Variants in C1orf167 observed in about 807,000 individuals in gnomAD.
C1orf167 encodes the protein chromosome 1 open reading frame 167.
C1orf167 carries 153 observed loss-of-function variants against 176.5 expected under a neutral mutation model. That is an observed-to-expected ratio of 0.87 (90% CI 0.76 to 0.99). The LOEUF (loss-of-function observed/expected upper bound fraction) is 0.99, where lower values mean the gene tolerates loss of function less well. Ranked by LOEUF, C1orf167 falls within the 50% of genes least tolerant of loss-of-function variation. C1orf167 has a pLI of 0.00. For synonymous variants in C1orf167, 594 were observed against 752.7 expected, an observed-to-expected ratio of 0.79 and a Z score of 3.45; for missense variants, 1,490 against 1,817.7, an observed-to-expected ratio of 0.82 and a Z score of 3.28.
intron 16 of C1orf167, chr1:11,785,791 G>C (rs1643838773): frequency 2.0e-5 from 3 of 152,772 alleles, no homozygotes; most frequent in East Asian, 1.9e-4. Flanking sequence ...CTGAAGCAGA[G>C]GAGTGATCTC....
At chr1:11,769,442 C>A (rs1228969128) in intron 6 of C1orf167, among the ~76,000 whole-genome samples, 1 of 151,998 alleles carries the variant, frequency 6.6e-6, no homozygotes, top group Admixed American at 6.6e-5. Context: ...TGGGGGCATG[C>A]TTGTAGTCCC....
Position 11,766,648 on chromosome 1 carries a change from GTCCTTGCTTCC to G in C1orf167, c.865_875del (p.Leu289GlyfsTer22). ...CGCCCACCCCCAGCCCAGCCAGCCT[GTCCTTGCTTCC>G]TCGGATGGGAGGAGGAGACGCCTTC... is the stretch of plus-strand genomic sequence containing the variant. On this transcript the variant is annotated frameshift_variant, in exon 3 of 21. Coordinates refer to ENST00000688073, the MANE Select transcript of C1orf167 (RefSeq NM_001010881.2). LOFTEE classifies it high-confidence loss of function. The surrounding 1 kb of genome is among the most constrained non-coding windows in gnomAD (Gnocchi z 4.5). 7.8e-7 allele frequency: 1 copy of G among 1,289,420 alleles called. No individual in the cohort carries two copies. The highest frequency in any genetic ancestry group is 1.5e-5 in the African/African-American group (1 of 65,988). The allele number at this position is 1,289,420 out of a possible 1,614,324, so 79.9% of individuals were successfully genotyped here. A position where few individuals can be genotyped will look rare whatever the true frequency, so the allele number is the denominator to read the frequency against.
At chr1:11,764,121 G>A (rs569502966) in intron 1 of C1orf167, among the ~76,000 whole-genome samples, 224 of 152,300 alleles carry the variant, frequency 1.5e-3, no homozygotes, top group Middle Eastern at 6.8e-3. Context: ...GCAGGATGGG[G>A]CAGCATTTGA....
Position 11,776,334 on chromosome 1 carries a change from G to C in C1orf167, c.2165-130G>C. The C allele has an allele frequency of 3.8e-6, 3 of 786,920 alleles. No individual in the cohort carries two copies. In the South Asian group the frequency reaches 5.5e-5, roughly 14 times the overall value. The allele number at this position is 786,920 out of a possible 1,614,324, so 48.7% of individuals were successfully genotyped here. On this transcript the variant is annotated intron_variant, in intron 9 of 20. Coordinates refer to ENST00000688073, the MANE Select transcript of C1orf167 (RefSeq NM_001010881.2). ...TCTTTGAGGTGACCTGGAGGGGAGG[G>C]CTTGGAAGCGGTGGGACGGGACAAG...
Position 11,772,715 on chromosome 1 carries a change from G to C in C1orf167, c.1988+456G>C, listed in dbSNP as rs982256179. ...TTGGATATAAGCAAAGCTTAGTCCC[G>C]GCCTCCCACCTCTGCCCATCATCAC... On this transcript the variant is annotated intron_variant, in intron 8 of 20. Transcript: ENST00000688073. Among the ~76,000 whole-genome samples, 2 of 151,894 alleles carry C rather than the reference G, an allele frequency of 1.3e-5. 1 individual carries two copies. Among genetic ancestry groups the C allele is most frequent in the Admixed American group, 1.3e-4 (2 of 15,246 alleles).
At position 11,787,953 on chromosome 1, in the gene C1orf167, C is replaced by A; in HGVS notation, c.3754C>A (p.Pro1252Thr). 1 of 1,304,108 alleles carries A rather than the reference C, an allele frequency of 7.7e-7. No individual in the cohort carries two copies. The highest frequency in any genetic ancestry group is 1.2e-5 in the South Asian group (1 of 80,994). The allele number at this position is 1,304,108 out of a possible 1,614,324, so 80.8% of individuals were successfully genotyped here. A position where few individuals can be genotyped will look rare whatever the true frequency, so the allele number is the denominator to read the frequency against. The change falls in exon 18 of 21, where the codon CCC becomes ACC. Residue 1252 changes from proline to threonine, a missense_variant. Coordinates refer to ENST00000688073, the MANE Select transcript of C1orf167 (RefSeq NM_001010881.2). Reference sequence around the variant, plus strand: ...ACAGAGTAGCTGGGTCCCAGGCCTGCCCCTGTGGACGAGGGACCAGGGACC... The same window carrying A: ...ACAGAGTAGCTGGGTCCCAGGCCTGACCCTGTGGACGAGGGACCAGGGACC... Reference protein sequence around the residue: ...PGQSSWVPGLPLWTRDQGPRA... With the variant: ...PGQSSWVPGLTLWTRDQGPRA...
chr1:11,778,576 G>T, intron 10 of C1orf167, 84 bp from the exon 11 acceptor site: 1 of 1,153,884 alleles, frequency 8.7e-7, no homozygotes, highest in Admixed American at 3.1e-5. Flanking sequence ...TTTCACAGCG[G>T]CCAGGGTAGG....
At chr1:11,767,730 G>A (rs563253087) in intron 4 of C1orf167, among the ~76,000 whole-genome samples, 21 of 152,218 alleles carry the variant, frequency 1.4e-4, no homozygotes, top group African/African-American at 5.1e-4. Flanking sequence ...GGAGGCTGAG[G>A]TGGGAGGATC....
chr1:11,775,620 T>C lies in C1orf167; in HGVS notation c.2164+10T>C. On this transcript the variant is annotated intron_variant, in intron 9 of 20. Transcript: ENST00000688073. ...TGCCGGCAGAAAGCAGGTGAGCTAG[T>C]GTTGGCTTCCGCCCCAGCAAACCGT... 3 of 1,298,606 alleles carry C rather than the reference T, an allele frequency of 2.3e-6. No individual in the cohort carries two copies. The highest frequency in any genetic ancestry group is 3.0e-5 in the African/African-American group (2 of 65,810). 80.4% of individuals were successfully genotyped at this position (1,298,606 alleles called of 1,614,324 possible).
At chr1:11,772,344 A>C (rs1570395276) in intron 8 of C1orf167, 85 bp downstream of exon 8, 1 of 1,138,400 alleles carries the variant, frequency 8.8e-7, no homozygotes. Flanking sequence ...TGCTCACTGC[A>C]CCCTCCACCT....
chr1:11,767,254 G>A lies in C1orf167; in HGVS notation c.1333G>A (p.Glu445Lys). The stretch of plus-strand genomic sequence containing the variant: ...ACAAAACATCACAGCCCCAGAGTCT[G>A]AGGCAATCTGGTGAGGCCATGGCTG... The part of the protein sequence containing the change: ...KAQNITAPES[E>K]AICWQLLSRC... The change falls in exon 4 of 21, where the codon GAG becomes AAG. Residue 445 changes from glutamate (E) to lysine (K), a missense_variant. Coordinates refer to ENST00000688073, the MANE Select transcript of C1orf167 (RefSeq NM_001010881.2). 2 of 1,289,740 alleles carry A rather than the reference G, an allele frequency of 1.6e-6. No homozygotes were observed. Among genetic ancestry groups the A allele is most frequent in the Non-Finnish European group, 1.0e-6 (1 of 988,810 alleles). The allele number at this position is 1,289,740 out of a possible 1,614,324, so 79.9% of individuals were successfully genotyped here. A position where few individuals can be genotyped will look rare whatever the true frequency, so the allele number is the denominator to read the frequency against.
rs1445735349 is a variant in C1orf167, at chr1:11,788,016, G to C, written c.3817G>C (p.Ala1273Pro). Residue 1273 changes from alanine (A) to proline (P), a missense_variant, in exon 18 of 21, where the codon GCC (alanine) becomes CCC (proline). By Grantham distance (27) the Ala-to-Pro change is conservative. Coordinates refer to ENST00000688073, the MANE Select transcript of C1orf167 (RefSeq NM_001010881.2). ...HSSPEPRACK[A>P]QSKAHKRRLR... ...CAGCCCTGAGCCCAGAGCCTGCAAA[G>C]CCCAAAGCAAGGCCCATAAACGGAG... The C allele has an allele frequency of 7.7e-7, 1 of 1,302,454 alleles. No individual in the cohort carries two copies. Among genetic ancestry groups the C allele is most frequent in the African/African-American group, 1.5e-5 (1 of 65,930 alleles). 80.7% of individuals were successfully genotyped at this position (1,302,454 alleles called of 1,614,324 possible).
Position 11,787,388 on chromosome 1 carries a change from A to G in C1orf167, c.3568A>G (p.Thr1190Ala). The G allele has an allele frequency of 1.3e-5, 17 of 1,291,442 alleles. No individual in the cohort carries two copies. Among genetic ancestry groups the G allele is most frequent in the Non-Finnish European group, 1.7e-5 (17 of 982,396 alleles). 80.0% of individuals were successfully genotyped at this position (1,291,442 alleles called of 1,614,324 possible). Residue 1190 changes from threonine (T) to alanine (A), a missense_variant and splice_region_variant, in exon 17 of 21, where the codon ACC (threonine) becomes GCC (alanine). Transcript: ENST00000688073. The part of the protein sequence containing the change: ...VRLGLPGAGK[T>A]RSCWTQATEL... ...TGCTCCTCTCTGGCTATTCCTTCAG[A>G]CCCGCAGCTGCTGGACACAGGCCAC...
intron 1 of C1orf167, among the ~76,000 whole-genome samples, chr1:11,763,052 A>G (rs1253589914): frequency 6.6e-6 from 1 of 152,160 alleles, no homozygotes; most frequent in Non-Finnish European, 1.5e-5. Flanking sequence ...CGTGTGTGCC[A>G]TTTGGAGGAG....
At chr1:11,764,267 G>A (rs1046955975) in intron 1 of C1orf167, 64 bp from the exon 2 acceptor site, 24 of 594,872 alleles carry the variant, frequency 4.0e-5, no homozygotes, top group Non-Finnish European at 6.4e-5. Context: ...CTAAAGGGAG[G>A]AGGTAGGGAT....
At chr1:11,776,258 A>AAAAAAAC (rs1643307715) in intron 9 of C1orf167, among the ~76,000 whole-genome samples, 1 of 147,698 alleles carries the variant, frequency 6.8e-6, no homozygotes, top group Non-Finnish European at 1.5e-5. Flanking sequence ...ATTCTGTCTC[A>AAAAAAAC]AAGAAACAAA....
Position 11,767,336 on chromosome 1 carries a change from C to G in C1orf167, c.1343+72C>G. 25 of 1,204,520 alleles carry G rather than the reference C, an allele frequency of 2.1e-5. No homozygotes were observed. In the South Asian group the frequency reaches 3.0e-4, roughly 15 times the overall value. 74.6% of individuals were successfully genotyped at this position (1,204,520 alleles called of 1,614,324 possible). On this transcript the variant is annotated intron_variant, in intron 4 of 20. Transcript: ENST00000688073. ...GTGCTCAGGACTCCGCTCCCATTTG[C>G]CTGTCCAAATGGAGATGAGGGCCTG...
chr1:11,782,782 C>T (rs1416860382), intron 14 of C1orf167, among the ~76,000 whole-genome samples: 1 of 151,934 alleles, frequency 6.6e-6, no homozygotes, highest in Non-Finnish European at 1.5e-5. Flanking sequence ...ATTAGACGGG[C>T]ATGGTGGCAG....
chr1:11,782,107 G>A (rs1423405593), intron 13 of C1orf167, 82 bp from the exon 14 acceptor site: 1 of 1,153,944 alleles, frequency 8.7e-7, no homozygotes, highest in Non-Finnish European at 1.1e-6. Context: ...CTGGTAGGGG[G>A]CGAAGGGCTG....
Sources: allele counts gnomAD v4.1 joint callset (sites outside exome capture counted in the v4.1 genomes callset), GRCh38; gene constraint gnomAD v4.1.1; non-coding constraint Gnocchi (gnomAD v3.1); transcripts MANE v1.5; gene names NCBI Gene and HGNC (gene_info 2026-07-23, HGNC 2026-07-21).